Variants in PCCA observed in about 807,000 individuals in gnomAD.
PCCA encodes the protein propionyl-CoA carboxylase alpha chain, mitochondrial.
Under a neutral mutation model 101.3 loss-of-function variants are expected in PCCA, and 74 were observed. That is an observed-to-expected ratio of 0.73 (90% CI 0.61 to 0.89). PCCA has a LOEUF of 0.89. Among genes scored for constraint, PCCA ranks in the 40% least tolerant of loss-of-function variants. The pLI, the probability that PCCA is intolerant of heterozygous loss-of-function variation, is 0.00. For synonymous variants in PCCA, 294 were observed against 313.6 expected, an observed-to-expected ratio of 0.94 and a Z score of 0.66; for missense variants, 891 against 907.0, an observed-to-expected ratio of 0.98 and a Z score of 0.23.
chr13:100,311,076 A>G (rs1349685533), intron 16 of PCCA, among the ~76,000 whole-genome samples: 6 of 151,912 alleles, frequency 3.9e-5, no homozygotes, highest in Admixed American at 2.0e-4. Flanking sequence ...TCTACTAAAA[A>G]TACAAAAATT....
chr13:100,280,021 T>G (rs1446172997), intron 12 of PCCA, among the ~76,000 whole-genome samples: 1 of 151,694 alleles, frequency 6.6e-6, no homozygotes, highest in Admixed American at 6.6e-5. Context: ...TGTTTTTTTT[T>G]TTTTTGGTAA....
rs565654476 is a variant in PCCA at position 100,150,207 on chromosome 13, ATT to A, written c.301-4767_301-4766del. Among the ~76,000 whole-genome samples, 27 of 151,698 alleles carry A rather than the reference ATT, an allele frequency of 1.8e-4. No individual in the cohort carries two copies. In the South Asian group the frequency reaches 5.6e-3, roughly 32 times the overall value. On this transcript the variant is annotated intron_variant, in intron 4 of 23. Transcript: ENST00000376285. ...TACGCCCAGGTAATTTTTCTTTTGT[ATT>A]TTTTGGTAGAGACAGGGTTTCACCA...
At chr13:100,367,615 A>G (rs1048802915) in intron 18 of PCCA, among the ~76,000 whole-genome samples, 2 of 151,288 alleles carry the variant, frequency 1.3e-5, no homozygotes, top group Non-Finnish European at 2.9e-5. Context: ...TTTAGTAATA[A>G]CATTATAAAA....
At chr13:100,232,351 C>CGTGTGTGT (rs375554722) in intron 7 of PCCA, among the ~76,000 whole-genome samples, 7,220 of 131,136 alleles carry the variant, frequency 0.055, 289 homozygotes, top group Middle Eastern at 0.094. Flanking sequence ...TGTGTGTATG[C>CGTGTGTGT]GTGTGTGTGT....
chr13:100,150,479 T>C (rs1379877765), intron 4 of PCCA: 3 of 1,186,500 alleles, frequency 2.5e-6, no homozygotes, highest in Non-Finnish European at 3.4e-6. Context: ...ACTTTACTTA[T>C]ATTAGCGGTA....
intron 19 of PCCA, among the ~76,000 whole-genome samples, chr13:100,387,612 T>C (rs1462193726): frequency 2.0e-5 from 3 of 152,200 alleles, no homozygotes; most frequent in African/African-American, 7.2e-5. Context: ...GCTTGACATC[T>C]GATGGGAGGG....
chr13:100,319,364 C>G (rs974808086), intron 16 of PCCA, among the ~76,000 whole-genome samples: 2 of 152,066 alleles, frequency 1.3e-5, no homozygotes, highest in Non-Finnish European at 2.9e-5. Flanking sequence ...TCAATTTTGG[C>G]TTTTGTTGCC....
chr13:100,129,965 T>C (rs1258659468), intron 4 of PCCA, among the ~76,000 whole-genome samples: 1 of 152,236 alleles, frequency 6.6e-6, no homozygotes, highest in East Asian at 1.9e-4. Context: ...TTACCTGTTT[T>C]CTTAGTTTTC....
At chr13:100,411,790 T>A (rs1302208278) in intron 19 of PCCA, among the ~76,000 whole-genome samples, 2 of 152,148 alleles carry the variant, frequency 1.3e-5, no homozygotes, top group Non-Finnish European at 2.9e-5. Context: ...TCTCTTCTTA[T>A]AAGGGCACTG....
chr13:100,186,296 ATATATT>A (rs2057260553), intron 6 of PCCA, among the ~76,000 whole-genome samples: 1 of 152,322 alleles, frequency 6.6e-6, no homozygotes, highest in Admixed American at 6.5e-5. Flanking sequence ...ATCTGTACAA[ATATATT>A]TAGTTTAATA....
chr13:100,395,722 T>G (rs550149328), intron 19 of PCCA, among the ~76,000 whole-genome samples: 1 of 152,234 alleles, frequency 6.6e-6, no homozygotes, highest in South Asian at 2.1e-4. Context: ...TTTTGTAATG[T>G]TTTTATTTGT....
chr13:100,427,131 C>T (rs2079204837), intron 20 of PCCA, among the ~76,000 whole-genome samples: 1 of 152,202 alleles, frequency 6.6e-6, no homozygotes, highest in African/African-American at 2.4e-5. Flanking sequence ...GCAGGAGAAT[C>T]ACTTGAATCT....
At chr13:100,262,444 T>C (rs2062587770) in intron 9 of PCCA, among the ~76,000 whole-genome samples, 2 of 151,956 alleles carry the variant, frequency 1.3e-5, no homozygotes, top group South Asian at 4.2e-4. Flanking sequence ...GGCATTCCTG[T>C]TTCAATGGAA....
chr13:100,147,989 C>T (rs901501288), intron 4 of PCCA, among the ~76,000 whole-genome samples: 1 of 152,006 alleles, frequency 6.6e-6, no homozygotes, highest in African/African-American at 2.4e-5. Flanking sequence ...CACTGTGTTG[C>T]CCAGGTTGGA....
At chr13:100,422,890 G>A (rs2078920303) in intron 19 of PCCA, among the ~76,000 whole-genome samples, 1 of 150,210 alleles carries the variant, frequency 6.7e-6, no homozygotes, top group South Asian at 2.1e-4. Context: ...TTTTTAAGAG[G>A]GGTCACGTTT....
chr13:100,348,039 C>T (rs534403369), intron 18 of PCCA, among the ~76,000 whole-genome samples: 16 of 152,270 alleles, frequency 1.1e-4, no homozygotes, highest in Admixed American at 3.9e-4. Context: ...AGCTGATGTA[C>T]GGTGTTTGAA....
intron 21 of PCCA, among the ~76,000 whole-genome samples, chr13:100,452,672 A>G (rs113190119): frequency 3.3e-5 from 5 of 151,806 alleles, no homozygotes; most frequent in Non-Finnish European, 5.9e-5. Context: ...ATTAGCAGTT[A>G]CCACTGCTTG....
At chr13:100,444,236 C>T (rs2080599143) in intron 20 of PCCA, among the ~76,000 whole-genome samples, 1 of 146,240 alleles carries the variant, frequency 6.8e-6, no homozygotes, top group African/African-American at 2.6e-5. Flanking sequence ...GTGTCTCGCT[C>T]TGTCTCCCAG....
intron 21 of PCCA, among the ~76,000 whole-genome samples, chr13:100,503,435 A>G (rs1285728413): frequency 6.6e-6 from 1 of 152,138 alleles, no homozygotes; most frequent in Non-Finnish European, 1.5e-5. Flanking sequence ...GGTTGTGGTG[A>G]GCCGAGGTTG....
Sources: allele counts gnomAD v4.1 joint callset (sites outside exome capture counted in the v4.1 genomes callset), GRCh38; gene constraint gnomAD v4.1.1; transcripts MANE v1.5; gene names NCBI Gene and HGNC (gene_info 2026-07-23, HGNC 2026-07-21).